TBL1XR1: variants seen among roughly 807,000 people sequenced by gnomAD.
The protein encoded by TBL1XR1 is TBL1X/Y related 1.
TBL1XR1 carries 5 observed loss-of-function variants against 66.9 expected under a neutral mutation model. That is an observed-to-expected ratio of 0.07 (90% CI 0.04 to 0.16). The LOEUF (loss-of-function observed/expected upper bound fraction) is 0.16, where lower values mean the gene tolerates loss of function less well. TBL1XR1 is among the 10% of genes least tolerant of loss of function. The pLI, the probability that TBL1XR1 is intolerant of heterozygous loss-of-function variation, is 1.00. For synonymous variants in TBL1XR1, 210 were observed against 206.0 expected (o/e 1.02, Z -0.17); for missense variants, 238 against 623.2 (o/e 0.38, Z 6.58).
chr3:177,133,281 C>T (rs1728515762), intron 1 of TBL1XR1, among the ~76,000 whole-genome samples: 1 of 152,048 alleles, frequency 6.6e-6, no homozygotes, highest in African/African-American at 2.4e-5. Context: ...GAGCAAAACT[C>T]TGTCTCAAAA....
intron 2 of TBL1XR1, chr3:177,091,319 T>C (rs1426817962): frequency 1.3e-5 from 2 of 152,178 alleles, no homozygotes; most frequent in Admixed American, 1.3e-4. Flanking sequence ...AAAGTACTTA[T>C]AAAGTACATG....
intron 1 of TBL1XR1, among the ~76,000 whole-genome samples, chr3:177,152,501 T>A (rs1033075443): frequency 6.6e-6 from 1 of 152,108 alleles, no homozygotes; most frequent in Non-Finnish European, 1.5e-5. Context: ...TGGCCAGGCT[T>A]GTCTTGAACT....
intron 1 of TBL1XR1, among the ~76,000 whole-genome samples, chr3:177,114,887 G>A (rs1726114235): frequency 6.6e-6 from 1 of 152,010 alleles, no homozygotes; most frequent in Non-Finnish European, 1.5e-5. Context: ...GCTGAGGCAG[G>A]AGGACCCCTT....
chr3:177,141,410 C>T (rs1410950607), intron 1 of TBL1XR1, among the ~76,000 whole-genome samples: 6 of 152,210 alleles, frequency 3.9e-5, no homozygotes, highest in Admixed American at 3.9e-4. Context: ...TTTGTATTTA[C>T]ATGAATAATA....
At chr3:177,181,410 G>A (rs916420877) in intron 1 of TBL1XR1, among the ~76,000 whole-genome samples, 2 of 150,984 alleles carry the variant, frequency 1.3e-5, no homozygotes, top group Non-Finnish European at 2.9e-5. Context: ...AACCCGGGAG[G>A]TGGAGGTTAC....
At chr3:177,050,764 T>TA (rs1716957606) in intron 5 of TBL1XR1, among the ~76,000 whole-genome samples, 154 bp from the exon 6 acceptor site, 1 of 142,194 alleles carries the variant, frequency 7.0e-6, no homozygotes, top group South Asian at 2.1e-4. Flanking sequence ...TACACAGTCT[T>TA]AGTCACACAG....
At chr3:177,200,868 G>T (rs533549825), upstream of TBL1XR1, among the ~76,000 whole-genome samples, 2 of 151,818 alleles carry the variant, frequency 1.3e-5, no homozygotes, top group African/African-American at 4.8e-5. Flanking sequence ...TTAGTCGGGC[G>T]TGGTGGCGGG....
intron 3 of TBL1XR1, among the ~76,000 whole-genome samples, chr3:177,057,831 G>A (rs62298930): frequency 0.039 from 5,864 of 152,190 alleles, 257 homozygotes; most frequent in African/African-American, 0.094. Flanking sequence ...TCAGGGAGAA[G>A]AGAGACTCCA....
At chr3:177,114,283 C>CAT (rs1251277681) in intron 1 of TBL1XR1, among the ~76,000 whole-genome samples, 1 of 150,550 alleles carries the variant, frequency 6.6e-6, no homozygotes, top group African/African-American at 2.5e-5. Context: ...ATACACACAT[C>CAT]ATATATATGG....
At chr3:177,191,728 C>T (rs897420542) in intron 1 of TBL1XR1, among the ~76,000 whole-genome samples, 8 of 152,096 alleles carry the variant, frequency 5.3e-5, no homozygotes, top group Non-Finnish European at 7.4e-5. Flanking sequence ...AAAATAAAAC[C>T]ACCTACCCAA....
At chr3:177,048,265 T>C (rs1373527362) in intron 7 of TBL1XR1, among the ~76,000 whole-genome samples, 1 of 152,302 alleles carries the variant, frequency 6.6e-6, no homozygotes, top group Admixed American at 6.5e-5. Flanking sequence ...CGATGAATTG[T>C]GTAATAAAAG....
At chr3:177,037,898 G>C in intron 12 of TBL1XR1, 200 bp downstream of exon 12, 1 of 519,210 alleles carries the variant, frequency 1.9e-6, no homozygotes, top group Admixed American at 3.6e-5. Flanking sequence ...AATATAATTT[G>C]CTACATTCAA....
At chr3:177,168,431 G>A (rs957988822) in intron 1 of TBL1XR1, among the ~76,000 whole-genome samples, 1 of 151,960 alleles carries the variant, frequency 6.6e-6, no homozygotes, top group African/African-American at 2.4e-5. Flanking sequence ...ACAGGCACCC[G>A]ACACCATACC....
intron 1 of TBL1XR1, among the ~76,000 whole-genome samples, chr3:177,191,536 C>G (rs1005059419): frequency 1.3e-5 from 2 of 152,114 alleles, no homozygotes; most frequent in Non-Finnish European, 2.9e-5. Flanking sequence ...CTGTATAGTC[C>G]TGATACATAG....
At chr3:177,172,733 A>AGCCAAGCCAT (rs1203773444) in intron 1 of TBL1XR1, among the ~76,000 whole-genome samples, 19 of 151,538 alleles carry the variant, frequency 1.3e-4, no homozygotes, top group African/African-American at 4.6e-4. Flanking sequence ...AGCCAAGCCA[A>AGCCAAGCCAT]GCCAAGCCAT....
chr3:177,182,624 G>A (rs1287926959), intron 1 of TBL1XR1, among the ~76,000 whole-genome samples: 2 of 152,182 alleles, frequency 1.3e-5, no homozygotes, highest in Non-Finnish European at 2.9e-5. Context: ...ATGGGTGAGA[G>A]AGACCTGTTT....
upstream of TBL1XR1, among the ~76,000 whole-genome samples, chr3:177,198,830 C>A (rs1292493072): frequency 2.0e-5 from 3 of 151,750 alleles, no homozygotes; most frequent in African/African-American, 7.3e-5. Context: ...AAGCAACCAT[C>A]ATTTCCTCTC....
Position 177,101,098 on chromosome 3 carries a change from C to T in TBL1XR1, c.-121-2557G>A, listed in dbSNP as rs1317261710. ...TCCCGAACTCCCAACCTCGGGTGAT[C>T]TGCCCGCCTCAGCCTCCCAAACTGC... On this transcript the variant is annotated intron_variant, in intron 1 of 15. Transcript: ENST00000457928. Among the ~76,000 whole-genome samples, 3 of 152,122 alleles carry T rather than the reference C, an allele frequency of 2.0e-5. No individual in the cohort carries two copies. In the East Asian group the frequency reaches 5.8e-4, roughly 29 times the overall value.
intron 1 of TBL1XR1, among the ~76,000 whole-genome samples, chr3:177,103,700 A>G (rs955818005): frequency 6.6e-6 from 1 of 152,240 alleles, no homozygotes; most frequent in Non-Finnish European, 1.5e-5. Flanking sequence ...TACAAACACA[A>G]TAAAAACTTA....
Sources: allele counts gnomAD v4.1 joint callset (sites outside exome capture counted in the v4.1 genomes callset), GRCh38; gene constraint gnomAD v4.1.1; transcripts MANE v1.5; gene names NCBI Gene and HGNC (gene_info 2026-07-23, HGNC 2026-07-21).